ATAD2B: variants seen among roughly 807,000 people sequenced by gnomAD.
ATAD2B encodes ATPase family AAA domain-containing protein 2B.
Under a neutral mutation model 167.6 loss-of-function variants are expected in ATAD2B, and 40 were observed. The ratio of observed to expected loss-of-function variants is 0.24; its 90% CI spans 0.19 to 0.31. The LOEUF is 0.31. ATAD2B is among the 10% of genes least tolerant of loss of function. ATAD2B has a pLI of 1.00. For missense variants in ATAD2B, 1,242 were observed against 1,757.2 expected, an observed-to-expected ratio of 0.71 and a Z score of 5.24; for synonymous variants, 579 against 596.5, an observed-to-expected ratio of 0.97 and a Z score of 0.43.
intron 1 of ATAD2B, among the ~76,000 whole-genome samples, chr2:23,911,629 G>A (rs113057593): frequency 0.079 from 12,026 of 152,074 alleles, 607 homozygotes; most frequent in South Asian, 0.12. Context: ...GGGGCGAAGC[G>A]AAGCTAATAA....
chr2:23,882,808 T>C (rs1698135430), intron 6 of ATAD2B, among the ~76,000 whole-genome samples: 1 of 146,800 alleles, frequency 6.8e-6, no homozygotes, highest in South Asian at 2.2e-4. Flanking sequence ...AGACTCCATC[T>C]CAACAACAAC....
chr2:23,775,052 CAAAT>C (rs1413682101), intron 22 of ATAD2B, among the ~76,000 whole-genome samples: 2 of 151,988 alleles, frequency 1.3e-5, no homozygotes, highest in Non-Finnish European at 2.9e-5. Flanking sequence ...GATAAGTAAA[CAAAT>C]AACTATGGGC....
chr2:23,893,667 C>A (rs924822466), intron 2 of ATAD2B, among the ~76,000 whole-genome samples: 21 of 119,428 alleles, frequency 1.8e-4, no homozygotes, highest in African/African-American at 4.8e-4. Context: ...AAAAAAAAAA[C>A]TTTTTTTTTT....
chr2:23,918,521 T>C (rs956485593), intron 1 of ATAD2B, among the ~76,000 whole-genome samples: 5 of 152,190 alleles, frequency 3.3e-5, no homozygotes, highest in Non-Finnish European at 5.9e-5. Context: ...CCTGCTCCTC[T>C]CCCTACACAC....
At chr2:23,798,462 A>C in intron 18 of ATAD2B, 139 bp from the exon 19 acceptor site, 2 of 607,984 alleles carry the variant, frequency 3.3e-6, no homozygotes, top group Non-Finnish European at 2.7e-6. Flanking sequence ...TCAAGATATG[A>C]TGCACAAGCC....
At chr2:23,816,680 C>T (rs1389600799) in intron 17 of ATAD2B, among the ~76,000 whole-genome samples, 2 of 152,088 alleles carry the variant, frequency 1.3e-5, no homozygotes, top group African/African-American at 4.8e-5. Context: ...TCTTTATGCT[C>T]TTCTTTATTA....
chr2:23,682,332 G>T, the ATAD2B span, among the ~76,000 whole-genome samples: 2 of 152,152 alleles, frequency 1.3e-5, no homozygotes, highest in Admixed American at 6.5e-5. The surrounding 1 kb of genome is among the most constrained non-coding windows in gnomAD (Gnocchi z 4.1). Flanking sequence ...AGGCTCTGAG[G>T]ATGTGGGTCC....
chr2:23,765,715 C>T (rs1677313750), intron 22 of ATAD2B, 87 bp from the exon 23 acceptor site: 3 of 916,358 alleles, frequency 3.3e-6, no homozygotes, highest in Non-Finnish European at 4.5e-6. Context: ...AGAATACAAA[C>T]AAAATTATAA....
At chr2:23,885,860 A>T (rs773661702) in intron 4 of ATAD2B, 31 bp from the exon 5 acceptor site, 53 of 1,328,840 alleles carry the variant, frequency 4.0e-5, no homozygotes, top group Non-Finnish European at 5.4e-5. Flanking sequence ...CAGGATTTAG[A>T]CAATGGTGGC....
At chr2:23,745,356 G>GAAAGGAAGGAAA (rs1674781187), downstream of ATAD2B, among the ~76,000 whole-genome samples, 2 of 119,434 alleles carry the variant, frequency 1.7e-5, no homozygotes, top group Non-Finnish European at 3.4e-5. Context: ...AGGGATGGAA[G>GAAAGGAAGGAAA]GAAGGAAGGA....
chr2:23,921,348 T>C (rs1047347164), intron 1 of ATAD2B, among the ~76,000 whole-genome samples: 3 of 151,014 alleles, frequency 2.0e-5, no homozygotes, highest in Non-Finnish European at 4.4e-5. Context: ...TTCAAAGTAA[T>C]ATGGCACTTA....
At chr2:23,785,875 G>A in intron 21 of ATAD2B, 152 bp downstream of exon 21, 1 of 597,776 alleles carries the variant, frequency 1.7e-6, no homozygotes, top group Non-Finnish European at 2.7e-6. Context: ...GTTTGCTGAT[G>A]ACATCGGTAG....
intron 22 of ATAD2B, among the ~76,000 whole-genome samples, chr2:23,780,984 A>G (rs917079481): frequency 6.6e-6 from 1 of 151,822 alleles, no homozygotes; most frequent in African/African-American, 2.4e-5. Flanking sequence ...TAAAAATAAG[A>G]AGCATTTTTT....
chr2:23,693,864 CA>C, the ATAD2B span, among the ~76,000 whole-genome samples: 1 of 152,148 alleles, frequency 6.6e-6, no homozygotes, highest in Non-Finnish European at 1.5e-5. Flanking sequence ...AGGGGATGGA[CA>C]GCCCGCAATG....
At chr2:23,732,942 C>G in the ATAD2B span, among the ~76,000 whole-genome samples, 1 of 152,192 alleles carries the variant, frequency 6.6e-6, no homozygotes, top group Admixed American at 6.5e-5. Flanking sequence ...AAGTAAAAAT[C>G]TCTCTGTGAC....
chr2:23,790,392 T>C (rs943331809), intron 19 of ATAD2B, among the ~76,000 whole-genome samples: 3 of 152,222 alleles, frequency 2.0e-5, no homozygotes, highest in Admixed American at 1.3e-4. Flanking sequence ...TAGAACTTAA[T>C]ATCCTAGACG....
the ATAD2B span, among the ~76,000 whole-genome samples, chr2:23,695,011 G>A: frequency 9.9e-5 from 15 of 152,270 alleles, no homozygotes; most frequent in Non-Finnish European, 1.6e-4. The surrounding 1 kb of genome is among the most constrained non-coding windows in gnomAD (Gnocchi z 7.6). Flanking sequence ...GGGATGAAAC[G>A]AAAGTAGAGT....
the ATAD2B span, among the ~76,000 whole-genome samples, chr2:23,692,416 G>C: frequency 2.0e-5 from 3 of 152,250 alleles, no homozygotes; most frequent in African/African-American, 7.2e-5. Flanking sequence ...CTTTACGCTT[G>C]ATGCTACCCC....
intron 23 of ATAD2B, among the ~76,000 whole-genome samples, chr2:23,763,822 G>T (rs950774570): frequency 1.3e-5 from 2 of 152,092 alleles, no homozygotes; most frequent in Non-Finnish European, 2.9e-5. Context: ...AAACTCCTGG[G>T]CTCAAGCGAT....
Sources: gnomAD v4.1 joint callset for allele counts (sites outside exome capture counted in the v4.1 genomes callset) on GRCh38, gnomAD v4.1.1 for gene constraint, Gnocchi (gnomAD v3.1) non-coding constraint, MANE v1.5 for transcripts, NCBI Gene and HGNC (gene_info 2026-07-23, HGNC 2026-07-21) for gene names.